Variants in AGBL4 observed in about 807,000 individuals in gnomAD.
AGBL4 encodes cytosolic carboxypeptidase 6.
Under a neutral mutation model 66.4 loss-of-function variants are expected in AGBL4, and 58 were observed. That is an observed-to-expected ratio of 0.87 (90% CI 0.71 to 1.09). The LOEUF is 1.09. Ranked by LOEUF, AGBL4 falls within the 50% of genes least tolerant of loss-of-function variation. The pLI is 0.00. For synonymous variants in AGBL4, 234 were observed against 222.9 expected (o/e 1.05, Z -0.44); for missense variants, 579 against 631.0 (o/e 0.92, Z 0.88).
At chr1:49,849,038 G>C (rs184590450) in intron 2 of AGBL4, among the ~76,000 whole-genome samples, 210 of 152,194 alleles carry the variant, frequency 1.4e-3, no homozygotes, top group African/African-American at 4.9e-3. Context: ...AAAAAAAGGT[G>C]GGGGGATGAG....
chr1:49,478,520 A>T (rs996086092), intron 3 of AGBL4, among the ~76,000 whole-genome samples: 6 of 152,004 alleles, frequency 3.9e-5, no homozygotes, highest in Admixed American at 1.3e-4. Context: ...AAGGAGAAAT[A>T]AAGACTTACC....
intron 4 of AGBL4, among the ~76,000 whole-genome samples, chr1:49,107,395 T>G (rs1293630338): frequency 6.6e-6 from 1 of 152,144 alleles, no homozygotes; most frequent in Non-Finnish European, 1.5e-5. Flanking sequence ...ACAATAGGTT[T>G]ATGGGGATGT....
intron 5 of AGBL4, among the ~76,000 whole-genome samples, chr1:48,901,477 A>C (rs1652073276): frequency 2.0e-5 from 3 of 152,174 alleles, no homozygotes; most frequent in Non-Finnish European, 4.4e-5. Context: ...AATGTGCACC[A>C]ATTCGAACCT....
At chr1:49,430,990 T>G (rs964373043) in intron 3 of AGBL4, among the ~76,000 whole-genome samples, 12 of 151,278 alleles carry the variant, frequency 7.9e-5, no homozygotes, top group African/African-American at 2.2e-4. Context: ...CATGGCTGCA[T>G]AGCATGCCAA....
intron 5 of AGBL4, among the ~76,000 whole-genome samples, chr1:48,925,227 G>A (rs1349183669): frequency 2.0e-5 from 3 of 151,576 alleles, no homozygotes; most frequent in Admixed American, 6.6e-5. Flanking sequence ...ATTGATTCCA[G>A]GACCTCCTGT....
intron 1 of AGBL4, among the ~76,000 whole-genome samples, chr1:49,861,146 C>T (rs575346906): frequency 6.6e-6 from 1 of 152,216 alleles, no homozygotes; most frequent in South Asian, 2.1e-4. Context: ...CACACACCTT[C>T]CACCAAGGGC....
intron 2 of AGBL4, among the ~76,000 whole-genome samples, chr1:49,831,807 T>A (rs1458196825): frequency 2.6e-5 from 4 of 152,036 alleles, no homozygotes; most frequent in African/African-American, 7.2e-5. Flanking sequence ...TTATTGAGAG[T>A]TTTTAGCATT....
chr1:48,830,159 C>G (rs1368856180), intron 6 of AGBL4, among the ~76,000 whole-genome samples: 3 of 152,168 alleles, frequency 2.0e-5, no homozygotes, highest in Non-Finnish European at 2.9e-5. Context: ...TTACCTTAGA[C>G]AAACAGTTGA....
At chr1:49,741,013 T>C (rs183414327) in intron 2 of AGBL4, among the ~76,000 whole-genome samples, 3 of 152,020 alleles carry the variant, frequency 2.0e-5, no homozygotes, top group Non-Finnish European at 4.4e-5. Context: ...AGAAAACACA[T>C]TCAAAAGCTA....
intron 6 of AGBL4, among the ~76,000 whole-genome samples, chr1:48,788,311 G>A (rs1645457581): frequency 1.3e-5 from 2 of 152,200 alleles, no homozygotes; most frequent in Non-Finnish European, 2.9e-5. Context: ...ACAGGGTAAT[G>A]ACAAGGATGG....
At chr1:48,983,253 A>C (rs1181982739) in intron 5 of AGBL4, among the ~76,000 whole-genome samples, 1 of 152,152 alleles carries the variant, frequency 6.6e-6, no homozygotes, top group Admixed American at 6.6e-5. Flanking sequence ...AAATTGTCGC[A>C]ATTATGGGTA....
intron 4 of AGBL4, among the ~76,000 whole-genome samples, chr1:49,086,502 G>A (rs982731282): frequency 6.6e-6 from 1 of 151,992 alleles, no homozygotes; most frequent in Admixed American, 6.5e-5. Flanking sequence ...GCCTCCCGTT[G>A]TCCTAGGAAA....
At chr1:49,578,176 T>A (rs1410864447) in intron 3 of AGBL4, among the ~76,000 whole-genome samples, 1 of 151,816 alleles carries the variant, frequency 6.6e-6, no homozygotes, top group African/African-American at 2.4e-5. Context: ...AAGAAGGGAG[T>A]TGCAGTGTTG....
At chr1:49,542,850 G>C (rs1652159699) in intron 3 of AGBL4, among the ~76,000 whole-genome samples, 1 of 119,374 alleles carries the variant, frequency 8.4e-6, no homozygotes, top group Non-Finnish European at 1.6e-5. Flanking sequence ...AGTGAGCTCA[G>C]ATTGCACCAC....
At chr1:48,571,694 A>G (rs945385936) in intron 11 of AGBL4, among the ~76,000 whole-genome samples, 2 of 152,160 alleles carry the variant, frequency 1.3e-5, no homozygotes, top group Non-Finnish European at 2.9e-5. Context: ...GTTATAATTT[A>G]CCACAAGTGA....
intron 3 of AGBL4, among the ~76,000 whole-genome samples, chr1:49,308,862 G>A (rs1644896019): frequency 6.6e-6 from 1 of 152,160 alleles, no homozygotes; most frequent in African/African-American, 2.4e-5. Flanking sequence ...TGAGCACTGT[G>A]TAATAGGCCA....
chr1:49,782,801 C>G (rs1312795667), intron 2 of AGBL4, among the ~76,000 whole-genome samples: 3 of 152,190 alleles, frequency 2.0e-5, no homozygotes, highest in Non-Finnish European at 4.4e-5. Flanking sequence ...CTCTTGCACT[C>G]TCTTTGCCCT....
In AGBL4 at chr1:48,986,426, A is replaced by C. The variant is rs553898654; in HGVS notation, c.594+59158T>G. Among the ~76,000 whole-genome samples the C allele has an allele frequency of 1.5e-3, 233 of 152,196 alleles. 4 individuals are homozygous for C. Among genetic ancestry groups the C allele is most frequent in the African/African-American group, 5.4e-3 (226 of 41,558 alleles). On this transcript the variant is annotated intron_variant, in intron 5 of 13. Coordinates refer to ENST00000371839, the MANE Select transcript of AGBL4 (RefSeq NM_032785.4). ...AACTTGAATGTAGCTAAAGGGGAAA[A>C]CCATGTTACATACCGAGAAACAACG... is the stretch of plus-strand genomic sequence containing the variant.
chr1:49,988,380 G>T (rs1004874176), intron 1 of AGBL4, among the ~76,000 whole-genome samples: 1 of 152,036 alleles, frequency 6.6e-6, no homozygotes, highest in Non-Finnish European at 1.5e-5. Flanking sequence ...GAACTCTAAG[G>T]TCACTTAGTC....
Sources: gnomAD v4.1 joint callset for allele counts (sites outside exome capture counted in the v4.1 genomes callset) on GRCh38, gnomAD v4.1.1 for gene constraint, MANE v1.5 for transcripts, NCBI Gene and HGNC (gene_info 2026-07-23, HGNC 2026-07-21) for gene names.